Variants in PIK3C3 observed in about 807,000 individuals in gnomAD.
PIK3C3 encodes the protein phosphatidylinositol 3-kinase catalytic subunit type 3.
Under a neutral mutation model 126.1 loss-of-function variants are expected in PIK3C3, and 95 were observed. That is an observed-to-expected ratio of 0.75 (90% CI 0.64 to 0.89). PIK3C3 has a LOEUF of 0.89. PIK3C3 is among the 40% of genes least tolerant of loss of function. The pLI is 0.00. For synonymous variants in PIK3C3, 374 were observed against 360.0 expected (o/e 1.04, Z -0.44); for missense variants, 829 against 1,063.2 (o/e 0.78, Z 3.06).
At chr18:41,989,942 G>A (rs1456801118) in intron 5 of PIK3C3, among the ~76,000 whole-genome samples, 1 of 152,040 alleles carries the variant, frequency 6.6e-6, no homozygotes, top group Non-Finnish European at 1.5e-5. Context: ...ATCATTTTAA[G>A]ACCATTTATA....
chr18:42,069,348 T>C (rs1190932323), intron 24 of PIK3C3, among the ~76,000 whole-genome samples: 1 of 152,162 alleles, frequency 6.6e-6, no homozygotes, highest in Non-Finnish European at 1.5e-5. Context: ...TTTAGAGGTA[T>C]AGGGGGAAAA....
chr18:41,958,153 A>G (rs987196540), intron 2 of PIK3C3, among the ~76,000 whole-genome samples: 12 of 152,158 alleles, frequency 7.9e-5, no homozygotes, highest in African/African-American at 2.9e-4. Flanking sequence ...ATCTATTGCC[A>G]TCGGTTCAGA....
intron 13 of PIK3C3, among the ~76,000 whole-genome samples, chr18:42,024,971 T>A (rs1197875580): frequency 6.6e-6 from 1 of 151,728 alleles, no homozygotes; most frequent in Non-Finnish European, 1.5e-5. Flanking sequence ...GCCCGGCTAA[T>A]TTTTTTGTAT....
At chr18:41,960,957 A>T (rs187592375) in intron 2 of PIK3C3, among the ~76,000 whole-genome samples, 4 of 151,942 alleles carry the variant, frequency 2.6e-5, no homozygotes, top group Admixed American at 1.3e-4. Flanking sequence ...GGCGAAGCTC[A>T]TCTTGAACTC....
chr18:42,000,988 T>C (rs921990694), intron 9 of PIK3C3, among the ~76,000 whole-genome samples: 1 of 152,140 alleles, frequency 6.6e-6, no homozygotes, highest in African/African-American at 2.4e-5. Flanking sequence ...TGTTTGAGTA[T>C]TTGGAATCAA....
intron 22 of PIK3C3, among the ~76,000 whole-genome samples, chr18:42,064,507 T>C (rs903199776): frequency 2.5e-4 from 38 of 152,162 alleles, no homozygotes; most frequent in Admixed American, 2.4e-3. Context: ...AGATGATTAC[T>C]CCAAAGGTCT....
At chr18:42,047,672 A>G (rs1598930225) in intron 20 of PIK3C3, among the ~76,000 whole-genome samples, 1 of 152,208 alleles carries the variant, frequency 6.6e-6, no homozygotes, top group Non-Finnish European at 1.5e-5. Flanking sequence ...TCAATACACT[A>G]GAGTTTAGAG....
chr18:41,962,036 C>CT (rs1273473284), intron 2 of PIK3C3, among the ~76,000 whole-genome samples: 4 of 152,012 alleles, frequency 2.6e-5, no homozygotes, highest in Non-Finnish European at 5.9e-5. Flanking sequence ...AGATTTTCTA[C>CT]TTTGAGTTTT....
intron 3 of PIK3C3, among the ~76,000 whole-genome samples, chr18:41,966,428 C>G (rs1260838591): frequency 6.6e-6 from 1 of 152,054 alleles, no homozygotes. Flanking sequence ...CCTCGCCCTC[C>G]CAAAGTGTTG....
chr18:42,009,812 T>C (rs1193592750), intron 10 of PIK3C3, among the ~76,000 whole-genome samples: 2 of 152,154 alleles, frequency 1.3e-5, no homozygotes, highest in Admixed American at 1.3e-4. Context: ...TACATATCTT[T>C]TTTTAAAATA....
At chr18:42,069,399 A>G (rs1318524848) in intron 24 of PIK3C3, among the ~76,000 whole-genome samples, 2 of 152,224 alleles carry the variant, frequency 1.3e-5, no homozygotes, top group African/African-American at 4.8e-5. Flanking sequence ...TCTGTGACAA[A>G]CAAGGGACAA....
intron 22 of PIK3C3, among the ~76,000 whole-genome samples, chr18:42,059,472 G>T (rs942568185): frequency 1.3e-5 from 2 of 152,134 alleles, no homozygotes; most frequent in Non-Finnish European, 2.9e-5. Flanking sequence ...CAGGGAGGTG[G>T]CGGACAAGAT....
At chr18:41,973,726 A>G (rs1046285008) in intron 4 of PIK3C3, among the ~76,000 whole-genome samples, 1 of 152,114 alleles carries the variant, frequency 6.6e-6, no homozygotes, top group African/African-American at 2.4e-5. Context: ...ATTAGGTATA[A>G]TAAACTTTTA....
intron 6 of PIK3C3, among the ~76,000 whole-genome samples, chr18:41,993,014 A>G (rs916203355): frequency 3.9e-5 from 6 of 152,132 alleles, no homozygotes; most frequent in Admixed American, 3.9e-4. Flanking sequence ...GAAACAATCT[A>G]ATTTCCAGAC....
At chr18:41,997,637 G>A (rs778063919) in intron 9 of PIK3C3, among the ~76,000 whole-genome samples, 1 of 152,030 alleles carries the variant, frequency 6.6e-6, no homozygotes, top group African/African-American at 2.4e-5. Flanking sequence ...ATAATAGCTA[G>A]CATTTTTTAA....
At chr18:41,964,839 A>T (rs1450711860) in intron 3 of PIK3C3, among the ~76,000 whole-genome samples, 1 of 152,112 alleles carries the variant, frequency 6.6e-6, no homozygotes, top group African/African-American at 2.4e-5. Flanking sequence ...AAGGCTTCTA[A>T]ACTCATGAAT....
chr18:41,981,090 CAT>C (rs1209526277), intron 4 of PIK3C3, among the ~76,000 whole-genome samples: 2 of 152,110 alleles, frequency 1.3e-5, no homozygotes, highest in Admixed American at 6.6e-5. Context: ...CTTTTATAAA[CAT>C]ATCTTATTGC....
At chr18:41,984,380 A>G (rs1981362012) in intron 4 of PIK3C3, among the ~76,000 whole-genome samples, 1 of 152,174 alleles carries the variant, frequency 6.6e-6, no homozygotes, top group African/African-American at 2.4e-5. Flanking sequence ...TAAGAGATGA[A>G]GTGACATAGG....
At chr18:41,958,259 G>T (rs1194497488) in intron 2 of PIK3C3, among the ~76,000 whole-genome samples, 5 of 152,058 alleles carry the variant, frequency 3.3e-5, no homozygotes, top group Non-Finnish European at 5.9e-5. Context: ...CAAGATGCAG[G>T]GTAAATATAA....
Sources: gnomAD v4.1 joint callset for allele counts (sites outside exome capture counted in the v4.1 genomes callset) on GRCh38, gnomAD v4.1.1 for gene constraint, MANE v1.5 for transcripts, NCBI Gene and HGNC (gene_info 2026-07-23, HGNC 2026-07-21) for gene names.